KIF21A: variants seen among roughly 807,000 people sequenced by gnomAD.
The protein encoded by KIF21A is kinesin family member 21A.
KIF21A carries 114 observed loss-of-function variants against 202.9 expected under a neutral mutation model. That is an observed-to-expected ratio of 0.56 (90% CI 0.48 to 0.66). The LOEUF is 0.66. KIF21A is among the 30% of genes least tolerant of loss of function. KIF21A has a pLI of 0.00. For synonymous variants in KIF21A, 667 were observed against 670.8 expected, an observed-to-expected ratio of 0.99 and a Z score of 0.09; for missense variants, 1,677 against 1,994.9, an observed-to-expected ratio of 0.84 and a Z score of 3.04.
At chr12:39,408,457 C>T (rs1456414638) in intron 1 of KIF21A, among the ~76,000 whole-genome samples, 10 of 152,124 alleles carry the variant, frequency 6.6e-5, no homozygotes, top group Admixed American at 5.2e-4. Flanking sequence ...TAGCAGGCCA[C>T]AGACTGTTAC....
chr12:39,365,840 T>A (rs1003837203), intron 6 of KIF21A, among the ~76,000 whole-genome samples: 1 of 151,942 alleles, frequency 6.6e-6, no homozygotes. Flanking sequence ...CAAAACCCCA[T>A]CTCTACAAAA....
intron 4 of KIF21A, 34 bp downstream of exon 4, chr12:39,367,849 C>A (rs1949701765): frequency 6.4e-7 from 1 of 1,565,672 alleles, no homozygotes; most frequent in African/African-American, 1.4e-5. Context: ...ATAAAGCCAA[C>A]TATGCTCTGT....
chr12:39,307,437 TA>T, intron 34 of KIF21A, 127 bp downstream of exon 34: 2 of 791,574 alleles, frequency 2.5e-6, no homozygotes, highest in South Asian at 3.3e-5. Context: ...CTATGCTGAA[TA>T]AAAAAGCCTA....
At chr12:39,405,930 G>A (rs1030233564) in intron 1 of KIF21A, among the ~76,000 whole-genome samples, 1 of 152,170 alleles carries the variant, frequency 6.6e-6, no homozygotes, top group Non-Finnish European at 1.5e-5. Context: ...CATTATATGT[G>A]TGACTAACAT....
chr12:39,357,908 C>CAAAAAAAAAAAAAAAAAAAAA lies in KIF21A; in HGVS notation c.1215+249_1215+269dup, dbSNP rs56035929. Among the ~76,000 whole-genome samples, 3 of 36,706 alleles carry CAAAAAAAAAAAAAAAAAAAAA rather than the reference C, an allele frequency of 8.2e-5. 1 individual carries two copies. Among genetic ancestry groups the CAAAAAAAAAAAAAAAAAAAAA allele is most frequent in the Non-Finnish European group, 1.4e-4 (3 of 21,266 alleles). 24.1% of individuals were successfully genotyped at this position (36,706 alleles called of 152,430 possible). On this transcript the variant is annotated intron_variant, in intron 8 of 37. Coordinates refer to ENST00000361418, the MANE Select transcript of KIF21A (RefSeq NM_001173464.2). ...TGGGTGATAGAGGGAGACTCCATCTCAAAAAAAAAAAAAAAAAAAAAAAAA... is the reference window on the plus strand; with the variant it reads ...TGGGTGATAGAGGGAGACTCCATCTCAAAAAAAAAAAAAAAAAAAAAAAAAAAAAAAAAAAAAAAAAAAAAA...
chr12:39,319,954 C>A lies in KIF21A; in HGVS notation c.3731G>T (p.Arg1244Ile). Residue 1244 changes from arginine to isoleucine, a missense_variant, in exon 28 of 38, where the codon AGA becomes ATA. Coordinates refer to ENST00000361418, the MANE Select transcript of KIF21A (RefSeq NM_001173464.2). ...KIPEPSPVTR[R>I]KAYEKAEKSK... ...TTTTTCTGCTTTCTCATATGCCTTT[C>A]TCCTTGTTACAGGAGAAGGCTCTGG... 6.2e-7 allele frequency: 1 copy of A among 1,609,638 alleles called. No homozygotes were observed. Among genetic ancestry groups the A allele is most frequent in the South Asian group, 1.1e-5 (1 of 90,536 alleles).
At position 39,330,836 on chromosome 12, in the gene KIF21A, C is replaced by T; in HGVS notation, c.3229G>A (p.Ala1077Thr). The change falls in exon 23 of 38, where the codon GCT becomes ACT. Residue 1077 changes from alanine to threonine, a missense_variant. Physicochemically the swap from Ala to Thr is moderately conservative, Grantham distance 58. Around this residue, in one of 3 missense-constraint regions of KIF21A, gnomAD observed 705 missense variants for 791.9 expected, o/e 0.89. Transcript: ENST00000361418. The part of the protein sequence containing the change: ...GRLKQTEITS[A>T]TQNQLLFHML... ...TGGAATAAGAGCTGGTTTTGGGTAG[C>T]ACTGGTTATTTCTGTTTGTTTGAGT... is the stretch of plus-strand genomic sequence containing the variant. 6.2e-7 allele frequency: 1 copy of T among 1,613,930 alleles called. No individual in the cohort carries two copies. The highest frequency in any genetic ancestry group is 8.5e-7 in the Non-Finnish European group (1 of 1,179,872).
At chr12:39,419,563 C>T (rs1426547859) in intron 1 of KIF21A, among the ~76,000 whole-genome samples, 1 of 152,116 alleles carries the variant, frequency 6.6e-6, no homozygotes, top group African/African-American at 2.4e-5. Context: ...ATTTTTCTTA[C>T]TGCCTCATAA....
chr12:39,339,581 T>C (rs1016697748), intron 16 of KIF21A, among the ~76,000 whole-genome samples: 3 of 152,214 alleles, frequency 2.0e-5, no homozygotes, highest in Non-Finnish European at 2.9e-5. Flanking sequence ...TGCTATTTTA[T>C]TGTTATTTTA....
chr12:39,413,130 C>T (rs1339548147), intron 1 of KIF21A, among the ~76,000 whole-genome samples: 3 of 152,062 alleles, frequency 2.0e-5, no homozygotes, highest in Non-Finnish European at 2.9e-5. Context: ...TTTTTCAGGT[C>T]AAACATCCAC....
chr12:39,375,589 G>T (rs1007004521), intron 1 of KIF21A, among the ~76,000 whole-genome samples: 1 of 152,036 alleles, frequency 6.6e-6, no homozygotes, highest in Non-Finnish European at 1.5e-5. Context: ...TATAATAGGG[G>T]TATCAGCACT....
At chr12:39,379,028 T>C (rs188909800) in intron 1 of KIF21A, among the ~76,000 whole-genome samples, 30 of 152,160 alleles carry the variant, frequency 2.0e-4, no homozygotes, top group South Asian at 6.2e-4. Flanking sequence ...GCAGAAGCAC[T>C]AGCATAAAAG....
At chr12:39,352,036 C>T (rs1948429885) in intron 10 of KIF21A, 56 bp from the exon 11 acceptor site, 3 of 1,235,716 alleles carry the variant, frequency 2.4e-6, no homozygotes, top group South Asian at 1.2e-5. Context: ...GATAAAAATA[C>T]ATAACATAAA....
In KIF21A at chr12:39,358,328, A is replaced by G. The variant is rs1351708852; in HGVS notation, c.1065T>C (p.Phe355=). 1 of 1,614,130 alleles carries G rather than the reference A, an allele frequency of 6.2e-7. No individual in the cohort carries two copies. The highest frequency in any genetic ancestry group is 1.1e-5 in the South Asian group (1 of 91,088). ...IACVSPSDRD[F]METLNTLKYA... ...ATTTCAGGGTGTTTAACGTTTCCAT[A>G]AAGTCTCTGTCTGAAGGGCTGACAC... The change falls in exon 8 of 38, where the codon TTT becomes TTC. Residue 355 remains phenylalanine (F), a synonymous_variant. Coordinates refer to ENST00000361418, the MANE Select transcript of KIF21A (RefSeq NM_001173464.2).
intron 17 of KIF21A, among the ~76,000 whole-genome samples, chr12:39,335,118 G>A (rs1325277551): frequency 3.3e-5 from 5 of 152,010 alleles, no homozygotes; most frequent in Admixed American, 1.3e-4. Context: ...TGAAAACATC[G>A]TGTTAAATAA....
At chr12:39,357,563 C>G (rs753646421) in intron 8 of KIF21A, 126 bp from the exon 9 acceptor site, 8 of 763,734 alleles carry the variant, frequency 1.0e-5, no homozygotes, top group Non-Finnish European at 1.8e-5. Flanking sequence ...AACCCCAAGG[C>G]AAAAGAAATC....
intron 8 of KIF21A, 118 bp downstream of exon 8, chr12:39,358,060 G>A (rs1443502491): frequency 3.4e-6 from 3 of 871,136 alleles, no homozygotes; most frequent in Middle Eastern, 2.3e-4. Flanking sequence ...AAAGGAAGGA[G>A]GACACTATTA....
intron 1 of KIF21A, among the ~76,000 whole-genome samples, chr12:39,440,103 T>G (rs1391319734): frequency 6.6e-6 from 1 of 152,238 alleles, no homozygotes; most frequent in Non-Finnish European, 1.5e-5. Context: ...GCTGGAAAGA[T>G]TAAATAATTT....
chr12:39,297,196 A>G (rs578071069), intron 37 of KIF21A, among the ~76,000 whole-genome samples: 1 of 152,328 alleles, frequency 6.6e-6, no homozygotes, highest in Non-Finnish European at 1.5e-5. Context: ...TAGAATGAGC[A>G]GGTTTCTTGA....
Sources: allele counts gnomAD v4.1 joint callset (sites outside exome capture counted in the v4.1 genomes callset), GRCh38; gene constraint gnomAD v4.1.1; regional missense constraint gnomAD v4.1.1; transcripts MANE v1.5; gene names NCBI Gene and HGNC (gene_info 2026-07-23, HGNC 2026-07-21).